Variants in USH2A observed in about 807,000 individuals in gnomAD.
USH2A encodes the protein Usher syndrome 2A (autosomal recessive, mild).
A neutral mutation model predicts 538.9 loss-of-function variants in USH2A; 443 were observed. The observed-to-expected ratio is 0.82, with a 90% CI of 0.76 to 0.89. USH2A has a LOEUF of 0.89. Ranked by LOEUF, USH2A falls within the 40% of genes least tolerant of loss-of-function variation. The pLI, the probability that USH2A is intolerant of heterozygous loss-of-function variation, is 0.00. For synonymous variants in USH2A, 2,413 were observed against 2,273.5 expected (o/e 1.06, Z -1.75); for missense variants, 6,633 against 6,324.8 (o/e 1.05, Z -1.65).
chr1:215,994,281 C>T (rs1044656507), intron 34 of USH2A, among the ~76,000 whole-genome samples: 6 of 151,996 alleles, frequency 3.9e-5, no homozygotes, highest in East Asian at 1.9e-4. Context: ...TTTCTTTAGG[C>T]GTCTCTCTGA....
At chr1:216,195,770 C>T (rs1392102912) in intron 19 of USH2A, 2 of 167,058 alleles carry the variant, frequency 1.2e-5, no homozygotes, top group African/African-American at 4.8e-5. Flanking sequence ...AGAGGAGGCA[C>T]TGAACAGCCA....
intron 21 of USH2A, among the ~76,000 whole-genome samples, chr1:216,121,402 G>A (rs1176622519): frequency 1.5e-5 from 2 of 132,040 alleles, no homozygotes; most frequent in African/African-American, 5.1e-5. Flanking sequence ...AAATTTTGCT[G>A]GTTTTTTTCT....
intron 55 of USH2A, among the ~76,000 whole-genome samples, chr1:215,772,706 G>A (rs1451870242): frequency 6.6e-6 from 1 of 152,146 alleles, no homozygotes; most frequent in Admixed American, 6.5e-5. Flanking sequence ...GTCAAAAAAA[G>A]GCACTTTAGC....
At chr1:216,394,522 TAA>T (rs1415885143) in intron 3 of USH2A, among the ~76,000 whole-genome samples, 1 of 152,138 alleles carries the variant, frequency 6.6e-6, no homozygotes, top group Non-Finnish European at 1.5e-5. Context: ...TTGCTTTATA[TAA>T]GTCATTTTTA....
chr1:216,076,167 C>T (rs192702884), intron 27 of USH2A, among the ~76,000 whole-genome samples: 2 of 152,076 alleles, frequency 1.3e-5, no homozygotes, highest in African/African-American at 4.8e-5. Context: ...TTTTAATAAC[C>T]ATTCCAGGTG....
At chr1:215,947,386 T>C (rs770539925) in intron 37 of USH2A, among the ~76,000 whole-genome samples, 3 of 152,216 alleles carry the variant, frequency 2.0e-5, no homozygotes, top group South Asian at 2.1e-4. Context: ...TTTTTTAAAA[T>C]GTGCATTTTA....
At chr1:216,378,640 C>G (rs1170755824) in intron 3 of USH2A, among the ~76,000 whole-genome samples, 2 of 152,114 alleles carry the variant, frequency 1.3e-5, no homozygotes, top group South Asian at 4.1e-4. Flanking sequence ...TTTTAATTCT[C>G]TAGGTATTAT....
chr1:216,236,725 A>C (rs2035826662), intron 13 of USH2A, among the ~76,000 whole-genome samples: 1 of 152,148 alleles, frequency 6.6e-6, no homozygotes, highest in South Asian at 2.1e-4. Context: ...AGACACAATA[A>C]ATTTAAAATA....
rs981952402 is a variant in USH2A at position 215,942,446 on chromosome 1, A to G, written c.7121-7651T>C. Among the ~76,000 whole-genome samples, 9 of 152,286 alleles carry G rather than the reference A, an allele frequency of 5.9e-5. No individual in the cohort carries two copies. In the East Asian group the frequency reaches 1.7e-3, roughly 29 times the overall value. ...AACACCAGGAGGTGGGGAAAGTCAGATGCCACCTTACAGTCTCCCTGTTAG... is the reference window on the plus strand; with the variant it reads ...AACACCAGGAGGTGGGGAAAGTCAGGTGCCACCTTACAGTCTCCCTGTTAG... On this transcript the variant is annotated intron_variant, in intron 37 of 71. Coordinates refer to ENST00000307340, the MANE Select transcript of USH2A (RefSeq NM_206933.4).
Position 216,175,502 on chromosome 1 carries a change from T to G in USH2A, c.4397-20A>C, listed in dbSNP as rs767172568. The G allele has an allele frequency of 6.2e-7, 1 of 1,612,298 alleles. No individual in the cohort carries two copies. Among genetic ancestry groups the G allele is most frequent in the East Asian group, 2.2e-5 (1 of 44,776 alleles). On this transcript the variant is annotated intron_variant, in intron 20 of 71. Transcript: ENST00000307340. ...CTGGTGCTAAATATTAGAAAACACC[T>G]GTTATATTCAAGAATTTGGTTTCTG...
At chr1:215,879,984 C>T (rs1225423517) in intron 41 of USH2A, among the ~76,000 whole-genome samples, 1 of 152,126 alleles carries the variant, frequency 6.6e-6, no homozygotes, top group Non-Finnish European at 1.5e-5. Context: ...ATCTCATGTC[C>T]CAGCCTGTAA....
chr1:216,006,899 TGC>T (rs1324300587), intron 32 of USH2A, among the ~76,000 whole-genome samples: 2 of 152,196 alleles, frequency 1.3e-5, no homozygotes. Flanking sequence ...TTTATCTAAA[TGC>T]TTCTCAGTGA....
chr1:216,175,220 C>A lies in USH2A; in HGVS notation c.4627+32G>T, dbSNP rs75662936. 2.3e-3 allele frequency: 3,645 copies of A among 1,613,112 alleles called. 66 individuals are homozygous for A. In the African/African-American group the frequency reaches 0.042, roughly 19 times the overall value. On this transcript the variant is annotated intron_variant, in intron 21 of 71. Transcript: ENST00000307340. ...TAGAAAACATTTTGGAGCTTCGTGT[C>A]TCCTAAATAAAGCAATGTCAAACAC...
At chr1:216,308,985 A>G (rs1314380243) in intron 9 of USH2A, among the ~76,000 whole-genome samples, 1 of 152,222 alleles carries the variant, frequency 6.6e-6, no homozygotes, top group African/African-American at 2.4e-5. Context: ...GTATACAACT[A>G]GAAAATATTT....
chr1:215,919,273 A>C (rs1666036903), intron 38 of USH2A, among the ~76,000 whole-genome samples: 1 of 152,124 alleles, frequency 6.6e-6, no homozygotes. Context: ...ATCTTCTCAC[A>C]TAGGGAAGGA....
At chr1:216,409,126 G>A (rs1037371635) in intron 3 of USH2A, among the ~76,000 whole-genome samples, 3 of 151,948 alleles carry the variant, frequency 2.0e-5, no homozygotes, top group East Asian at 3.9e-4. Context: ...TGAAACAATC[G>A]CCACAAAAAG....
intron 4 of USH2A, among the ~76,000 whole-genome samples, chr1:216,356,555 C>T (rs374551854): frequency 3.3e-4 from 50 of 152,094 alleles, no homozygotes; most frequent in African/African-American, 1.1e-3. Context: ...ATAACATATA[C>T]ATTAAATTTA....
chr1:215,885,232 A>G (rs1571779973), intron 41 of USH2A, among the ~76,000 whole-genome samples: 1 of 152,068 alleles, frequency 6.6e-6, no homozygotes, highest in South Asian at 2.1e-4. Flanking sequence ...TTGATAAAAA[A>G]AAACCATATG....
chr1:215,958,264 T>G (rs1040346651), intron 37 of USH2A, among the ~76,000 whole-genome samples: 3 of 152,136 alleles, frequency 2.0e-5, no homozygotes, highest in African/African-American at 7.2e-5. Flanking sequence ...CTGCATTTCT[T>G]TGGTTTTTCA....
Sources: gnomAD v4.1 joint callset for allele counts (sites outside exome capture counted in the v4.1 genomes callset) on GRCh38, gnomAD v4.1.1 for gene constraint, MANE v1.5 for transcripts, NCBI Gene and HGNC (gene_info 2026-07-23, HGNC 2026-07-21) for gene names.